The following IQGAP2 variants were observed in gnomAD, a reference collection of about 807,000 sequenced individuals.
The protein encoded by IQGAP2 is IQ motif containing GTPase activating protein 2, also known as ras GTPase-activating-like protein IQGAP2.
A neutral mutation model predicts 201.3 loss-of-function variants in IQGAP2; 173 were observed. The observed-to-expected ratio is 0.86, with a 90% CI of 0.76 to 0.98. IQGAP2 has a LOEUF of 0.98. Among genes scored for constraint, IQGAP2 ranks in the 50% least tolerant of loss-of-function variants. IQGAP2 has a pLI of 0.00. For missense variants in IQGAP2, 1,687 were observed against 1,864.8 expected (o/e 0.90, Z 1.76); for synonymous variants, 675 against 673.9 (o/e 1.00, Z -0.03).
chr5:76,707,430 A>T lies in IQGAP2; in HGVS notation c.*117A>T. On this transcript the variant is annotated 3_prime_UTR_variant, in exon 36 of 36. Coordinates refer to ENST00000274364, the MANE Select transcript of IQGAP2 (RefSeq NM_006633.5). ...TGCTTATAAATGTGTGATTTTTTTA[A>T]AACGACCAAAACTGTTCTGAAGAAT... is the stretch of plus-strand genomic sequence containing the variant. 1.5e-6 allele frequency: 1 copy of T among 649,844 alleles called. No homozygotes were observed. The highest frequency in any genetic ancestry group is 1.7e-5 in the South Asian group (1 of 58,106). The allele number at this position is 649,844 out of a possible 1,614,324, so 40.3% of individuals were successfully genotyped here.
intron 3 of IQGAP2, among the ~76,000 whole-genome samples, chr5:76,564,989 A>G (rs1170061697): frequency 1.1e-4 from 16 of 152,212 alleles, no homozygotes; most frequent in Non-Finnish European, 1.6e-4. Flanking sequence ...TTTTTTCTTT[A>G]TTAAATCCCT....
intron 1 of IQGAP2, among the ~76,000 whole-genome samples, chr5:76,451,082 C>T (rs1753712087): frequency 6.6e-6 from 1 of 152,100 alleles, no homozygotes; most frequent in African/African-American, 2.4e-5. Flanking sequence ...CTTAGTATAT[C>T]CCTGGAACAG....
intron 33 of IQGAP2, among the ~76,000 whole-genome samples, chr5:76,700,788 C>T (rs187051552): frequency 1.2e-3 from 189 of 152,216 alleles, no homozygotes; most frequent in African/African-American, 4.2e-3. Context: ...CTAAAGATAG[C>T]CACTTGGTTC....
At chr5:76,418,445 C>T (rs189413270) in intron 1 of IQGAP2, among the ~76,000 whole-genome samples, 36 of 151,944 alleles carry the variant, frequency 2.4e-4, no homozygotes, top group African/African-American at 6.8e-4. Flanking sequence ...CGCTTATAAT[C>T]CCAGTACTTT....
At chr5:76,583,132 G>A (rs1329861702) in intron 5 of IQGAP2, among the ~76,000 whole-genome samples, 2 of 152,200 alleles carry the variant, frequency 1.3e-5, no homozygotes, top group Non-Finnish European at 2.9e-5. Context: ...TAAATTAACT[G>A]TTGAAGAGCT....
Position 76,693,344 on chromosome 5 carries a change from G to C in IQGAP2, c.3906-11G>C, listed in dbSNP as rs1330502901. 6.2e-7 allele frequency: 1 copy of C among 1,600,656 alleles called. No homozygotes were observed. Among genetic ancestry groups the C allele is most frequent in the East Asian group, 2.2e-5 (1 of 44,744 alleles). On this transcript the variant is annotated splice_polypyrimidine_tract_variant and intron_variant, in intron 30 of 35. Coordinates refer to ENST00000274364, the MANE Select transcript of IQGAP2 (RefSeq NM_006633.5). Reference sequence around the variant, plus strand: ...AGTCTGAAAGTCTGTCTCTTTCTCTGGTTTGTTAAGGACCAAGAAGCTGAT... The same window carrying C: ...AGTCTGAAAGTCTGTCTCTTTCTCTCGTTTGTTAAGGACCAAGAAGCTGAT...
chr5:76,512,578 A>G (rs900227355), intron 2 of IQGAP2, among the ~76,000 whole-genome samples: 16 of 152,202 alleles, frequency 1.1e-4, no homozygotes, highest in African/African-American at 3.9e-4. Context: ...TAGACAGGGG[A>G]AAAGCTAATT....
intron 2 of IQGAP2, among the ~76,000 whole-genome samples, chr5:76,503,848 C>A (rs1342692959): frequency 6.6e-6 from 1 of 151,878 alleles, no homozygotes; most frequent in East Asian, 1.9e-4. Context: ...CCACCTCAGC[C>A]TCCCAAAGTG....
intron 1 of IQGAP2, among the ~76,000 whole-genome samples, chr5:76,422,619 G>A (rs138058896): frequency 1.3e-5 from 2 of 152,162 alleles, no homozygotes; most frequent in Non-Finnish European, 2.9e-5. Context: ...TCCTACTTCA[G>A]TGGAAAAATC....
At chr5:76,487,586 T>C (rs1756242437) in intron 2 of IQGAP2, among the ~76,000 whole-genome samples, 1 of 152,248 alleles carries the variant, frequency 6.6e-6, no homozygotes, top group African/African-American at 2.4e-5. Context: ...ATTCTAACAC[T>C]TCATCATAAG....
intron 2 of IQGAP2, among the ~76,000 whole-genome samples, chr5:76,549,667 T>C (rs1399802839): frequency 6.6e-6 from 1 of 152,150 alleles, no homozygotes; most frequent in African/African-American, 2.4e-5. Context: ...TTTGGTTTCT[T>C]CTGAGGCCTC....
intron 2 of IQGAP2, among the ~76,000 whole-genome samples, chr5:76,483,174 C>T (rs531387674): frequency 3.3e-5 from 5 of 152,114 alleles, no homozygotes; most frequent in Admixed American, 6.6e-5. Flanking sequence ...AGTGTTTGCA[C>T]GTTTACTTCC....
chr5:76,525,775 C>A (rs1268555541), intron 2 of IQGAP2, among the ~76,000 whole-genome samples: 1 of 152,092 alleles, frequency 6.6e-6, no homozygotes, highest in Non-Finnish European at 1.5e-5. Flanking sequence ...GTAGTATGTG[C>A]TTTTTTACTA....
chr5:76,693,508 C>A, intron 31 of IQGAP2, 66 bp downstream of exon 31: 1 of 1,046,396 alleles, frequency 9.6e-7, no homozygotes, highest in East Asian at 2.5e-5. Flanking sequence ...ATCTTTATGC[C>A]ATATGTTTAT....
intron 13 of IQGAP2, among the ~76,000 whole-genome samples, chr5:76,623,936 C>CTTTTTTTTTTTTTTTTTTT (rs368076875): frequency 3.0e-5 from 3 of 100,774 alleles, no homozygotes; most frequent in African/African-American, 4.0e-5. Context: ...TTTGTTCAGG[C>CTTTTTTTTTTTTTTTTTTT]TTTTTTTTTT....
intron 2 of IQGAP2, among the ~76,000 whole-genome samples, chr5:76,503,811 T>G (rs887312406): frequency 2.6e-5 from 4 of 151,856 alleles, no homozygotes; most frequent in Admixed American, 2.6e-4. Context: ...CAGGCTAGTC[T>G]TGAACTCCTG....
At chr5:76,530,864 C>T (rs1759251383) in intron 2 of IQGAP2, among the ~76,000 whole-genome samples, 2 of 152,164 alleles carry the variant, frequency 1.3e-5, no homozygotes, top group African/African-American at 2.4e-5. Flanking sequence ...AGAATCCATT[C>T]AGAATGCACT....
At chr5:76,703,161 G>T (rs13185970) in intron 35 of IQGAP2, among the ~76,000 whole-genome samples, 4 of 122,954 alleles carry the variant, frequency 3.3e-5, no homozygotes, top group East Asian at 2.7e-4. Context: ...GGGAGGGGGT[G>T]GGGGGGGGCA....
At chr5:76,642,938 T>C (rs995130203) in intron 17 of IQGAP2, among the ~76,000 whole-genome samples, 10 of 152,050 alleles carry the variant, frequency 6.6e-5, no homozygotes, top group African/African-American at 2.4e-4. Flanking sequence ...CAGGTCAATA[T>C]AGAGGAAGTC....
Sources: gnomAD v4.1 joint callset for allele counts (sites outside exome capture counted in the v4.1 genomes callset) on GRCh38, gnomAD v4.1.1 for gene constraint, MANE v1.5 for transcripts, NCBI Gene and HGNC (gene_info 2026-07-23, HGNC 2026-07-21) for gene names.